The following RASA2 variants were observed in gnomAD, a reference collection of about 807,000 sequenced individuals.
RASA2 encodes RAS p21 protein activator 2, also known as ras GTPase-activating protein 2.
Under a neutral mutation model 118.2 loss-of-function variants are expected in RASA2, and 155 were observed. The ratio of observed to expected loss-of-function variants is 1.31; its 90% CI spans 1.15 to 1.50. RASA2 has a LOEUF of 1.50. RASA2 is among the 40% of genes most tolerant of loss of function. The pLI is 0.00. For synonymous variants in RASA2, 353 were observed against 349.1 expected (o/e 1.01, Z -0.12); for missense variants, 1,016 against 1,009.6 (o/e 1.01, Z -0.09).
At chr3:141,515,070 G>A (rs2082003345) in intron 2 of RASA2, among the ~76,000 whole-genome samples, 1 of 152,120 alleles carries the variant, frequency 6.6e-6, no homozygotes, top group Admixed American at 6.5e-5. Context: ...TGGGGTGGAA[G>A]CTACACAGTT....
rs1382639200 is a variant in RASA2, at chr3:141,549,480, T to TGC, written c.528-4376_528-4375insCG. Among the ~76,000 whole-genome samples, 296 of 135,700 alleles carry TGC rather than the reference T, an allele frequency of 2.2e-3. 1 individual carries two copies. Among genetic ancestry groups the TGC allele is most frequent in the Non-Finnish European group, 3.2e-3 (202 of 62,518 alleles). 89.0% of individuals were successfully genotyped at this position (135,700 alleles called of 152,430 possible). A position where few individuals can be genotyped will look rare whatever the true frequency, so the allele number is the denominator to read the frequency against. ...TGGTAGGAGTGTGTATGAGTGTGTGTGTGCGTGTGTGTGTGTGTGTGTGTG... is the reference window on the plus strand; with the variant it reads ...TGGTAGGAGTGTGTATGAGTGTGTGTGCGTGCGTGTGTGTGTGTGTGTGTGTG... On this transcript the variant is annotated intron_variant, in intron 5 of 23. Coordinates refer to ENST00000286364, the MANE Select transcript of RASA2 (RefSeq NM_006506.5).
intron 19 of RASA2, among the ~76,000 whole-genome samples, chr3:141,595,130 A>G (rs1050141866): frequency 6.6e-6 from 1 of 152,136 alleles, no homozygotes; most frequent in Non-Finnish European, 1.5e-5. Context: ...TGACATAACT[A>G]ATCCATCCCC....
intron 9 of RASA2, among the ~76,000 whole-genome samples, chr3:141,568,404 A>G (rs2082858965): frequency 6.6e-6 from 1 of 152,098 alleles, no homozygotes; most frequent in Non-Finnish European, 1.5e-5. Flanking sequence ...CATGAAGAAA[A>G]TAGAGAAGGG....
At chr3:141,594,066 A>G (rs2083326984) in intron 19 of RASA2, among the ~76,000 whole-genome samples, 1 of 152,206 alleles carries the variant, frequency 6.6e-6, no homozygotes, top group Non-Finnish European at 1.5e-5. Context: ...AAAAGTAGTC[A>G]TCATGAGTAA....
chr3:141,586,030 G>A lies in RASA2; in HGVS notation c.1758G>A (p.Leu586=). ...TTGCCCATTTCCCCATTTAGTTCTTGGATGAAATTTCATCTACTGAAACTA... is the reference window on the plus strand; with the variant it reads ...TTGCCCATTTCCCCATTTAGTTCTTAGATGAAATTTCATCTACTGAAACTA... The part of the protein sequence containing the change: ...EGYIIAVKKF[L]DEISSTETKE... Residue 586 remains leucine, a synonymous_variant, in exon 18 of 24, where the codon TTG becomes TTA. Coordinates refer to ENST00000286364, the MANE Select transcript of RASA2 (RefSeq NM_006506.5). 1 of 1,607,784 alleles carries A rather than the reference G, an allele frequency of 6.2e-7. No individual in the cohort carries two copies. Among genetic ancestry groups the A allele is most frequent in the Non-Finnish European group, 8.5e-7 (1 of 1,174,814 alleles).
intron 1 of RASA2, among the ~76,000 whole-genome samples, chr3:141,490,022 AT>A (rs1268236380): frequency 6.7e-6 from 1 of 149,358 alleles, no homozygotes; most frequent in Non-Finnish European, 1.5e-5. Context: ...ACATGCAAAT[AT>A]GTTTCAGGTG....
chr3:141,561,449 G>A (rs1472983105), intron 9 of RASA2, among the ~76,000 whole-genome samples: 14 of 152,144 alleles, frequency 9.2e-5, no homozygotes, highest in Admixed American at 9.2e-4. Flanking sequence ...TTTGGCCCAT[G>A]ATATTTTAAA....
chr3:141,569,837 G>A (rs1470853804), intron 9 of RASA2, among the ~76,000 whole-genome samples: 1 of 151,674 alleles, frequency 6.6e-6, no homozygotes, highest in Admixed American at 6.6e-5. Context: ...CTTTGTGTTT[G>A]TGCATACCCA....
chr3:141,573,153 G>T lies in RASA2; in HGVS notation c.1291G>T (p.Asp431Tyr). The change falls in exon 13 of 24, where the codon GAC becomes TAC. Residue 431 changes from aspartate to tyrosine, a missense_variant. Around this residue, in one of 2 missense-constraint regions of RASA2, gnomAD observed 896 missense variants for 836.4 expected, o/e 1.07. Coordinates refer to ENST00000286364, the MANE Select transcript of RASA2 (RefSeq NM_006506.5). ...TLKPILDEIC[D>Y]SSKSCEIDPI... ...TGAAAAATTTATTTTTCAGATATGT[G>T]ACTCCTCAAAATCCTGTGAAATCGA... is the stretch of plus-strand genomic sequence containing the variant. The T allele has an allele frequency of 6.4e-7, 1 of 1,551,668 alleles. No homozygotes were observed. The highest frequency in any genetic ancestry group is 1.2e-5 in the South Asian group (1 of 81,156).
intron 19 of RASA2, 99 bp downstream of exon 19, chr3:141,586,851 A>G: frequency 1.0e-6 from 1 of 963,974 alleles, no homozygotes; most frequent in Non-Finnish European, 1.6e-6. Context: ...CAGTAATATT[A>G]CTGTAGTTTA....
At chr3:141,580,589 C>A in intron 16 of RASA2, 138 bp downstream of exon 16, 2 of 576,870 alleles carry the variant, frequency 3.5e-6, no homozygotes, top group Admixed American at 3.6e-5. Context: ...GACACAATAG[C>A]TGTCTTTTAA....
chr3:141,554,514 T>TA (rs1197901671), intron 6 of RASA2, among the ~76,000 whole-genome samples: 3 of 152,190 alleles, frequency 2.0e-5, no homozygotes, highest in Non-Finnish European at 4.4e-5. Context: ...CACTTTGTAA[T>TA]ACGGTGTGTT....
At chr3:141,600,469 G>A (rs1165660651) in intron 19 of RASA2, 3 of 353,838 alleles carry the variant, frequency 8.5e-6, no homozygotes, top group Non-Finnish European at 1.7e-5. Flanking sequence ...CTCCTTATTA[G>A]ACAGCTCGGC....
In RASA2 at chr3:141,553,830, T is replaced by C. The variant is rs1399506524; in HGVS notation, c.528-27T>C. The C allele has an allele frequency of 3.1e-6, 5 of 1,589,648 alleles. No individual in the cohort carries two copies. In the East Asian group the frequency reaches 6.7e-5, roughly 21 times the overall value. On this transcript the variant is annotated intron_variant, in intron 5 of 23. Transcript: ENST00000286364. ...TATCTTGTTTAACTGGAATCTAATATGTTAAATCTCTTTTATTCTACCTTA... is the reference window on the plus strand; with the variant it reads ...TATCTTGTTTAACTGGAATCTAATACGTTAAATCTCTTTTATTCTACCTTA...
At chr3:141,505,399 T>C (rs1250219155) in intron 1 of RASA2, among the ~76,000 whole-genome samples, 1 of 151,946 alleles carries the variant, frequency 6.6e-6, no homozygotes, top group African/African-American at 2.4e-5. Flanking sequence ...TGGGAAAGAG[T>C]GACATGACTA....
intron 5 of RASA2, among the ~76,000 whole-genome samples, chr3:141,549,033 G>A (rs1309678282): frequency 6.6e-6 from 1 of 152,040 alleles, no homozygotes; most frequent in Admixed American, 6.5e-5. Flanking sequence ...ACTTATATCT[G>A]CCCTGGAATT....
chr3:141,494,646 C>T (rs948726196), intron 1 of RASA2, among the ~76,000 whole-genome samples: 18 of 152,126 alleles, frequency 1.2e-4, no homozygotes, highest in African/African-American at 4.3e-4. Context: ...GGATTACAGC[C>T]GTGAACCACT....
At chr3:141,608,120 C>CA (rs1488145077) in intron 20 of RASA2, among the ~76,000 whole-genome samples, 1 of 152,190 alleles carries the variant, frequency 6.6e-6, no homozygotes, top group Non-Finnish European at 1.5e-5. Flanking sequence ...CTTCTGCTCC[C>CA]ATTCAGTGCA....
intron 4 of RASA2, among the ~76,000 whole-genome samples, chr3:141,539,919 G>A (rs972752523): frequency 9.2e-5 from 14 of 152,032 alleles, no homozygotes; most frequent in African/African-American, 2.4e-4. Flanking sequence ...TTGGCCATAT[G>A]TTATCTTTTG....
Sources: gnomAD v4.1 joint callset for allele counts (sites outside exome capture counted in the v4.1 genomes callset) on GRCh38, gnomAD v4.1.1 for gene constraint, gnomAD v4.1.1 regional missense constraint, MANE v1.5 for transcripts, NCBI Gene and HGNC (gene_info 2026-07-23, HGNC 2026-07-21) for gene names.